Variants in PDE3A observed in about 807,000 individuals in gnomAD.
The protein encoded by PDE3A is cGMP-inhibited 3',5'-cyclic phosphodiesterase 3A.
Under a neutral mutation model 98.3 loss-of-function variants are expected in PDE3A, and 43 were observed. The observed-to-expected ratio is 0.44, with a 90% CI of 0.34 to 0.56. The LOEUF is 0.56. Among genes scored for constraint, PDE3A ranks in the 20% least tolerant of loss-of-function variants. PDE3A has a pLI of 0.01. For synonymous variants in PDE3A, 663 were observed against 567.9 expected (o/e 1.17, Z -2.38); for missense variants, 1,427 against 1,440.7 (o/e 0.99, Z 0.15).
intron 1 of PDE3A, among the ~76,000 whole-genome samples, chr12:20,541,744 T>C (rs1565582945): frequency 2.0e-5 from 3 of 152,136 alleles, no homozygotes; most frequent in Admixed American, 6.6e-5. Flanking sequence ...AAAAAAGCAT[T>C]GGTTTTATTG....
At chr12:20,620,519 T>A (rs1440784625) in intron 4 of PDE3A, among the ~76,000 whole-genome samples, 1 of 152,066 alleles carries the variant, frequency 6.6e-6, no homozygotes, top group Non-Finnish European at 1.5e-5. Flanking sequence ...TGCAGAGAAA[T>A]TTTGTCTTGG....
At position 20,551,620 on chromosome 12, in the gene PDE3A, C is replaced by T. The variant is rs558881919; in HGVS notation, c.961-5040C>T. 3.0e-5 allele frequency: 47 copies of T among 1,574,024 alleles called. 3 individuals carry two copies. The South Asian group carries it at 5.3e-4, about 18-fold the overall frequency. ...GGGCCGGCAGGACCCCGACAAGCAGCTCATGTGCGATGAGTGCGACATGGC... is the reference window on the plus strand; with the variant it reads ...GGGCCGGCAGGACCCCGACAAGCAGTTCATGTGCGATGAGTGCGACATGGC... On this transcript the variant is annotated intron_variant, in intron 1 of 15. Transcript: ENST00000359062.
chr12:20,626,193 A>G (rs544051585), intron 5 of PDE3A, among the ~76,000 whole-genome samples: 1 of 149,736 alleles, frequency 6.7e-6, no homozygotes, highest in South Asian at 2.1e-4. Flanking sequence ...CTCTTTCTGT[A>G]TCTGAAATAA....
At position 20,369,529 on chromosome 12, in the gene PDE3A, G is replaced by T. The variant is rs1232360814; in HGVS notation, c.245G>T (p.Arg82Leu). The change falls in exon 1 of 16, where the codon CGC (arginine) becomes CTC (leucine). Residue 82 changes from arginine (R) to leucine (L), a missense_variant. This residue lies in a region of PDE3A where 1,012 missense variants were observed against 886.5 expected (regional missense o/e 1.14). Transcript: ENST00000359062. ...FLLALLVRLVRGEVGCDLEQC... is the reference protein window; with the variant it reads ...FLLALLVRLVLGEVGCDLEQC... Reference sequence around the variant, plus strand: ...CTGGCGCTGCTGGTGAGGCTGGTCCGCGGGGAGGTCGGCTGTGACCTGGAG... The same window carrying T: ...CTGGCGCTGCTGGTGAGGCTGGTCCTCGGGGAGGTCGGCTGTGACCTGGAG... 5 of 1,558,968 alleles carry T rather than the reference G, an allele frequency of 3.2e-6. No individual in the cohort carries two copies. The highest frequency in any genetic ancestry group is 4.3e-6 in the Non-Finnish European group (5 of 1,151,676).
At chr12:20,544,700 T>C (rs946454353) in intron 1 of PDE3A, among the ~76,000 whole-genome samples, 1 of 152,096 alleles carries the variant, frequency 6.6e-6, no homozygotes, top group Middle Eastern at 3.4e-3. Flanking sequence ...ATTTAACCAC[T>C]GGCTGGGTTA....
intron 1 of PDE3A, among the ~76,000 whole-genome samples, chr12:20,439,898 T>C (rs192951298): frequency 1.5e-3 from 230 of 152,298 alleles, no homozygotes; most frequent in Admixed American, 2.7e-3. Flanking sequence ...AGAGCTTTGC[T>C]TTTGTGACAA....
At position 20,455,795 on chromosome 12, in the gene PDE3A, A is replaced by T. The variant is rs1036093632; in HGVS notation, c.960+85551A>T. Among the ~76,000 whole-genome samples, 7 of 152,238 alleles carry T rather than the reference A, an allele frequency of 4.6e-5. No individual in the cohort carries two copies. In the East Asian group the frequency reaches 1.2e-3, roughly 25 times the overall value. On this transcript the variant is annotated intron_variant, in intron 1 of 15. Coordinates refer to ENST00000359062, the MANE Select transcript of PDE3A (RefSeq NM_000921.5). ...TTGAGTATTCAAAAACATTAAAAAG[A>T]TTGGGAAAGGTCTAAGAGGTGGAGA...
At chr12:20,640,066 C>T (rs1444931909) in intron 10 of PDE3A, 109 bp downstream of exon 10, 39 of 588,970 alleles carry the variant, frequency 6.6e-5, no homozygotes, top group Admixed American at 1.8e-4. Flanking sequence ...ACATGGTAGA[C>T]GCTCAATATG....
intron 1 of PDE3A, among the ~76,000 whole-genome samples, chr12:20,534,741 A>T (rs375235977): frequency 6.6e-6 from 1 of 152,260 alleles, no homozygotes; most frequent in Non-Finnish European, 1.5e-5. Flanking sequence ...TCTGTCCTTT[A>T]TCTCCTTTTG....
chr12:20,649,221 G>A (rs9783471), intron 13 of PDE3A, among the ~76,000 whole-genome samples: 66,640 of 151,770 alleles, frequency 0.44, 14,794 homozygotes, highest in South Asian at 0.55. Context: ...GTGAGGCACC[G>A]TGCCCGGCTG....
intron 1 of PDE3A, among the ~76,000 whole-genome samples, chr12:20,527,871 G>T (rs1225149580): frequency 2.0e-5 from 3 of 151,496 alleles, no homozygotes; most frequent in Admixed American, 2.0e-4. Context: ...TGTTGCGGTG[G>T]CTAAAATGTA....
chr12:20,460,786 G>A (rs368788883), intron 1 of PDE3A, among the ~76,000 whole-genome samples: 2 of 152,126 alleles, frequency 1.3e-5, no homozygotes, highest in Non-Finnish European at 2.9e-5. Flanking sequence ...GGAACTTGGC[G>A]ATCTCAGAGG....
chr12:20,537,118 C>G (rs1046589124), intron 1 of PDE3A, among the ~76,000 whole-genome samples: 1 of 152,014 alleles, frequency 6.6e-6, no homozygotes, highest in African/African-American at 2.4e-5. Context: ...AAGATGGTAT[C>G]TCACTGTGGT....
intron 1 of PDE3A, among the ~76,000 whole-genome samples, chr12:20,475,272 C>T (rs1354291115): frequency 6.6e-6 from 1 of 151,130 alleles, no homozygotes; most frequent in Non-Finnish European, 1.5e-5. Context: ...ATGTTAAAAT[C>T]GGTAGCATGT....
At chr12:20,591,015 T>G (rs1365178698) in intron 2 of PDE3A, among the ~76,000 whole-genome samples, 7 of 152,320 alleles carry the variant, frequency 4.6e-5, no homozygotes, top group African/African-American at 1.7e-4. Flanking sequence ...GTATAATGGT[T>G]GTTATTATCA....
At chr12:20,621,211 T>C in intron 4 of PDE3A, 85 bp from the exon 5 acceptor site, 1 of 737,730 alleles carries the variant, frequency 1.4e-6, no homozygotes, top group South Asian at 1.6e-5. Context: ...AGAGAAATGA[T>C]GGTTGGGTTC....
At chr12:20,566,704 T>C (rs1565591098) in intron 2 of PDE3A, among the ~76,000 whole-genome samples, 1 of 151,834 alleles carries the variant, frequency 6.6e-6, no homozygotes, top group Non-Finnish European at 1.5e-5. Context: ...CTATCAAAGA[T>C]GATGATTGGA....
At position 20,639,858 on chromosome 12, in the gene PDE3A, CT is replaced by C; in HGVS notation, c.2157del (p.Phe719LeufsTer18). On this transcript the variant is annotated frameshift_variant, in exon 10 of 16. Transcript: ENST00000359062. LOFTEE classifies it high-confidence loss of function. Reference sequence around the variant, plus strand: ...TCTTCTTTTACAGGTATCTTACAGACTTTTTGAAGACATGGGCCTCTTTGAA... The same window carrying C: ...TCTTCTTTTACAGGTATCTTACAGACTTTTGAAGACATGGGCCTCTTTGAA... ...GRILSQVSYR[L>X]FEDMGLFEAF... is the part of the protein sequence containing the mutation. 3 of 1,523,898 alleles carry C rather than the reference CT, an allele frequency of 2.0e-6. No individual in the cohort carries two copies. Among genetic ancestry groups the C allele is most frequent in the Non-Finnish European group, 2.7e-6 (3 of 1,098,412 alleles). 94.4% of individuals were successfully genotyped at this position (1,523,898 alleles called of 1,614,324 possible). A position where few individuals can be genotyped will look rare whatever the true frequency, so the allele number is the denominator to read the frequency against.
chr12:20,568,239 T>C (rs1292262813), intron 2 of PDE3A, among the ~76,000 whole-genome samples: 1 of 151,988 alleles, frequency 6.6e-6, no homozygotes, highest in Admixed American at 6.6e-5. Context: ...TAATATTTAC[T>C]TTTAATAAAA....
Sources: allele counts gnomAD v4.1 joint callset (sites outside exome capture counted in the v4.1 genomes callset), GRCh38; gene constraint gnomAD v4.1.1; regional missense constraint gnomAD v4.1.1; transcripts MANE v1.5; gene names NCBI Gene and HGNC (gene_info 2026-07-23, HGNC 2026-07-21).